METTL24: variants seen among roughly 807,000 people sequenced by gnomAD.
METTL24 encodes the protein probable methyltransferase-like protein 24.
In METTL24, 29 loss-of-function variants were observed where a neutral mutation model predicts 32.7. The ratio of observed to expected loss-of-function variants is 0.89; its 90% CI spans 0.66 to 1.21. The LOEUF (loss-of-function observed/expected upper bound fraction) is 1.21, where lower values mean the gene tolerates loss of function less well. Ranked by LOEUF, METTL24 falls within the 50% of genes most tolerant of loss-of-function variation. METTL24 has a pLI of 0.00. For missense variants in METTL24, 439 were observed against 468.1 expected (o/e 0.94, Z 0.57); for synonymous variants, 163 against 179.5 (o/e 0.91, Z 0.73).
chr6:110,313,368 C>T (rs1279365153), intron 3 of METTL24, among the ~76,000 whole-genome samples: 2 of 152,118 alleles, frequency 1.3e-5, no homozygotes, highest in African/African-American at 4.8e-5. Flanking sequence ...TATTATGTGT[C>T]AATAAAAATA....
chr6:110,312,070 AT>A, intron 3 of METTL24, among the ~76,000 whole-genome samples: 1 of 152,138 alleles, frequency 6.6e-6, no homozygotes. Context: ...CCATTTGTCT[AT>A]TTTTCTTTTG....
At chr6:110,315,607 A>T in intron 2 of METTL24, 126 bp from the exon 3 acceptor site, 1 of 946,978 alleles carries the variant, frequency 1.1e-6, no homozygotes, top group Non-Finnish European at 1.6e-6. Flanking sequence ...CACTGCTAAC[A>T]ACTCCCCTCC....
At chr6:110,259,220 A>G (rs187564530) in intron 4 of METTL24, among the ~76,000 whole-genome samples, 13 of 152,308 alleles carry the variant, frequency 8.5e-5, no homozygotes, top group Non-Finnish European at 1.5e-4. Context: ...TTCCTAGCCA[A>G]GGAAAAGGGT....
intron 4 of METTL24, among the ~76,000 whole-genome samples, chr6:110,274,752 C>A (rs1174264616): frequency 2.0e-5 from 3 of 149,928 alleles, no homozygotes; most frequent in African/African-American, 7.3e-5. Flanking sequence ...CATGCCCACC[C>A]ACATTTTACA....
chr6:110,322,022 C>T (rs1367870937), intron 2 of METTL24, among the ~76,000 whole-genome samples: 2 of 152,190 alleles, frequency 1.3e-5, no homozygotes, highest in Non-Finnish European at 2.9e-5. Flanking sequence ...GCTAGCACCT[C>T]TCAGTTCAGG....
At chr6:110,288,354 G>A (rs1227032628) in intron 4 of METTL24, among the ~76,000 whole-genome samples, 8 of 152,114 alleles carry the variant, frequency 5.3e-5, no homozygotes, top group African/African-American at 1.7e-4. Flanking sequence ...ATCACTACTT[G>A]CATGTTAATT....
intron 1 of METTL24, among the ~76,000 whole-genome samples, chr6:110,341,367 A>T (rs2057154): frequency 5.9e-5 from 9 of 152,046 alleles, no homozygotes; most frequent in Non-Finnish European, 1.2e-4. Flanking sequence ...AAGCATTTCA[A>T]TTTCAAAACT....
intron 4 of METTL24, among the ~76,000 whole-genome samples, chr6:110,252,113 C>T (rs1385259008): frequency 6.6e-6 from 1 of 152,120 alleles, no homozygotes; most frequent in African/African-American, 2.4e-5. Flanking sequence ...CATGATACTC[C>T]AGCCTGGGAG....
At chr6:110,279,842 C>T (rs974497246) in intron 4 of METTL24, among the ~76,000 whole-genome samples, 20 of 152,212 alleles carry the variant, frequency 1.3e-4, no homozygotes, top group Non-Finnish European at 2.9e-4. Context: ...ATACCTGAAA[C>T]TGCACTGTGT....
intron 1 of METTL24, chr6:110,357,400 G>A (rs1324791250): frequency 6.6e-6 from 1 of 152,142 alleles, no homozygotes; most frequent in Non-Finnish European, 1.5e-5. Flanking sequence ...TTCTCAACTG[G>A]CGCCAGCCTC....
chr6:110,268,963 T>C lies in METTL24; in HGVS notation c.787-22703A>G, dbSNP rs558983165. ...TTAGATTCAGGATTAGGTCTAATTG[T>C]AAGAGGCCAGGTCTACAGCCCACAT... On this transcript the variant is annotated intron_variant, in intron 4 of 4. Transcript: ENST00000338882. 5.9e-5 allele frequency among the ~76,000 whole-genome samples: 9 copies of C among 152,218 alleles called. No individual in the cohort carries two copies. The South Asian group carries it at 1.9e-3, about 32-fold the overall frequency.
chr6:110,308,826 C>T (rs767121265), intron 3 of METTL24, among the ~76,000 whole-genome samples: 37 of 152,220 alleles, frequency 2.4e-4, no homozygotes, highest in Non-Finnish European at 4.3e-4. Context: ...AAATATTATG[C>T]TAAGTGAAAC....
chr6:110,274,372 C>A (rs1488252670), intron 4 of METTL24, among the ~76,000 whole-genome samples: 1 of 152,070 alleles, frequency 6.6e-6, no homozygotes, highest in Non-Finnish European at 1.5e-5. Context: ...GGATTACAGG[C>A]GTGAGCCACC....
At chr6:110,289,620 G>C (rs917689429) in intron 4 of METTL24, among the ~76,000 whole-genome samples, 6 of 151,622 alleles carry the variant, frequency 4.0e-5, no homozygotes, top group Non-Finnish European at 7.4e-5. Flanking sequence ...GCAATGAAGA[G>C]ACAAGAAGGA....
At chr6:110,345,622 T>G (rs1362150058) in intron 1 of METTL24, among the ~76,000 whole-genome samples, 1 of 152,230 alleles carries the variant, frequency 6.6e-6, no homozygotes, top group African/African-American at 2.4e-5. Flanking sequence ...TCATGTCTTT[T>G]GCAGGAACAT....
intron 3 of METTL24, among the ~76,000 whole-genome samples, chr6:110,306,545 A>T (rs1771631139): frequency 6.6e-6 from 1 of 152,056 alleles, no homozygotes; most frequent in Admixed American, 6.6e-5. Flanking sequence ...TATATAATGC[A>T]TTAGATAACA....
intron 1 of METTL24, among the ~76,000 whole-genome samples, chr6:110,355,899 T>C (rs1043490683): frequency 7.9e-5 from 12 of 152,150 alleles, no homozygotes; most frequent in Non-Finnish European, 1.6e-4. Flanking sequence ...GGGATGAGTG[T>C]GAACCTCCCC....
At chr6:110,354,430 C>T (rs958747278) in intron 1 of METTL24, among the ~76,000 whole-genome samples, 4 of 152,184 alleles carry the variant, frequency 2.6e-5, no homozygotes, top group Admixed American at 6.5e-5. Flanking sequence ...TTTTCATCTA[C>T]CCAGAAAGCT....
intron 4 of METTL24, among the ~76,000 whole-genome samples, chr6:110,255,874 G>A (rs1283169600): frequency 1.3e-5 from 2 of 151,922 alleles, no homozygotes; most frequent in East Asian, 3.9e-4. Context: ...GTGGGACTGG[G>A]TCAACCTCAG....
Sources: gnomAD v4.1 joint callset for allele counts (sites outside exome capture counted in the v4.1 genomes callset) on GRCh38, gnomAD v4.1.1 for gene constraint, MANE v1.5 for transcripts, NCBI Gene and HGNC (gene_info 2026-07-23, HGNC 2026-07-21) for gene names.